SAMD5: variants seen among roughly 807,000 people sequenced by gnomAD.
SAMD5 encodes sterile alpha motif domain-containing protein 5.
SAMD5 carries 13 observed loss-of-function variants against 11.3 expected under a neutral mutation model. That is an observed-to-expected ratio of 1.15 (90% confidence interval 0.75 to 1.83). SAMD5 has a LOEUF of 1.83. Ranked by LOEUF, SAMD5 falls within the 40% of genes most tolerant of loss-of-function variation. SAMD5 has a pLI of 0.00. For missense variants in SAMD5, 255 were observed against 239.1 expected (o/e 1.07, Z -0.44); for synonymous variants, 129 against 111.3 (o/e 1.16, Z -1.00).
chr6:147,833,654 A>G, the SAMD5 span, among the ~76,000 whole-genome samples: 1 of 152,214 alleles, frequency 6.6e-6, no homozygotes, highest in Non-Finnish European at 1.5e-5. Flanking sequence ...CTTATTAGGC[A>G]TATAAAATAG....
At position 147,661,142 on chromosome 6, in the gene SAMD5, C is replaced by A. The variant is rs1453595773; in HGVS notation, c.163-76175C>A. 4.0e-5 allele frequency among the ~76,000 whole-genome samples: 6 copies of A among 151,894 alleles called. No individual in the cohort carries two copies. In the East Asian group the frequency reaches 1.2e-3, roughly 29 times the overall value. On this transcript the variant is annotated intron_variant, in intron 1 of 1. Transcript: ENST00000566741. ...TATTCCCTTTAGAAGCAAAATCTAC[C>A]AATTTTTTTTTCTTTTCCTGGGAAG... is the stretch of plus-strand genomic sequence containing the variant.
the SAMD5 span, among the ~76,000 whole-genome samples, chr6:147,886,807 T>C: frequency 1.3e-5 from 2 of 152,144 alleles, no homozygotes; most frequent in East Asian, 3.9e-4. Context: ...TGAATGGAAT[T>C]GAGGAGCTGA....
chr6:147,747,915 C>T, the SAMD5 span, among the ~76,000 whole-genome samples: 1 of 152,094 alleles, frequency 6.6e-6, no homozygotes, highest in African/African-American at 2.4e-5. Context: ...TCTGAGAAGA[C>T]AAAAACCAAA....
the SAMD5 span, among the ~76,000 whole-genome samples, chr6:147,951,223 C>CA: frequency 6.6e-6 from 1 of 150,732 alleles, no homozygotes; most frequent in African/African-American, 2.4e-5. Context: ...CGCTCTGTCG[C>CA]CAGGCTGGAG....
the SAMD5 span, among the ~76,000 whole-genome samples, chr6:147,863,186 G>GA: frequency 6.6e-6 from 1 of 152,142 alleles, no homozygotes; most frequent in East Asian, 1.9e-4. Flanking sequence ...TGACATACTG[G>GA]AAAGTAAATT....
chr6:147,798,468 G>A, the SAMD5 span, among the ~76,000 whole-genome samples: 13,983 of 144,230 alleles, frequency 0.097, 828 homozygotes, highest in Middle Eastern at 0.16. Context: ...TACATTTGCT[G>A]AGGAGAGCTT....
At chr6:147,938,933 GGCT>G in the SAMD5 span, among the ~76,000 whole-genome samples, 34,891 of 151,862 alleles carry the variant, frequency 0.23, 4,552 homozygotes, top group African/African-American at 0.35. Flanking sequence ...ACAAGTTGAG[GGCT>G]GAGTTCCACA....
At chr6:147,927,812 T>C in the SAMD5 span, among the ~76,000 whole-genome samples, 21,069 of 152,202 alleles carry the variant, frequency 0.14, 1,784 homozygotes, top group African/African-American at 0.24. Context: ...CTGTCATAGA[T>C]GACTGTTATT....
At chr6:147,813,371 A>G in the SAMD5 span, among the ~76,000 whole-genome samples, 6 of 152,236 alleles carry the variant, frequency 3.9e-5, no homozygotes, top group Non-Finnish European at 2.9e-5. Context: ...AGACTGGTTG[A>G]TTGCTGAAAG....
In SAMD5 at chr6:147,711,725, T is replaced by C. The variant is rs1474033396; in HGVS notation, c.163-25592T>C. On this transcript the variant is annotated intron_variant, in intron 1 of 1. Transcript: ENST00000566741. The surrounding 1 kb of genome is among the most constrained non-coding windows in gnomAD (Gnocchi z 4.1). Reference sequence around the variant, plus strand: ...ATGAATTTCAGCTGAAGTATTAAGTTTGTGGTATCCAGAAACCGGGAAATA... The same window carrying C: ...ATGAATTTCAGCTGAAGTATTAAGTCTGTGGTATCCAGAAACCGGGAAATA... Among the ~76,000 whole-genome samples, 4 of 152,192 alleles carry C rather than the reference T, an allele frequency of 2.6e-5. No homozygotes were observed. Among genetic ancestry groups the C allele is most frequent in the Non-Finnish European group, 4.4e-5 (3 of 68,036 alleles).
chr6:147,550,266 C>T (rs1448391018), intron 1 of SAMD5, among the ~76,000 whole-genome samples: 1 of 151,672 alleles, frequency 6.6e-6, no homozygotes, highest in South Asian at 2.1e-4. Flanking sequence ...CAAAAAATAG[C>T]ATGTTGAAGG....
At chr6:147,700,647 C>T (rs1409626653) in intron 1 of SAMD5, among the ~76,000 whole-genome samples, 2 of 152,312 alleles carry the variant, frequency 1.3e-5, no homozygotes, top group East Asian at 3.9e-4. Flanking sequence ...TTCTGCTACA[C>T]GTGGTGATCT....
chr6:147,720,368 C>G (rs947784548), intron 1 of SAMD5, among the ~76,000 whole-genome samples: 1 of 151,928 alleles, frequency 6.6e-6, no homozygotes, highest in Non-Finnish European at 1.5e-5. Flanking sequence ...GAGGCTGAGG[C>G]AGGAGAATGG....
At chr6:147,560,171 A>G (rs898865636) in intron 1 of SAMD5, among the ~76,000 whole-genome samples, 2 of 152,198 alleles carry the variant, frequency 1.3e-5, no homozygotes, top group Non-Finnish European at 2.9e-5. Context: ...ACAAATGTAA[A>G]ATGTGGGGGT....
the SAMD5 span, among the ~76,000 whole-genome samples, chr6:147,867,774 A>C: frequency 6.6e-6 from 1 of 152,208 alleles, no homozygotes; most frequent in Non-Finnish European, 1.5e-5. Context: ...TACTTCCATC[A>C]GATTCACTAA....
At chr6:147,775,269 GTTAA>G in the SAMD5 span, among the ~76,000 whole-genome samples, 9 of 152,230 alleles carry the variant, frequency 5.9e-5, no homozygotes, top group African/African-American at 2.2e-4. Context: ...AACTGGGCAA[GTTAA>G]TTAACCCCTG....
chr6:147,509,669 ACT>A (rs1788058034), intron 1 of SAMD5, among the ~76,000 whole-genome samples: 2 of 152,014 alleles, frequency 1.3e-5, no homozygotes, highest in Admixed American at 1.3e-4. Context: ...CAGGAATCGG[ACT>A]CGCGCTGCTT....
chr6:147,882,935 A>G, the SAMD5 span, among the ~76,000 whole-genome samples: 10 of 152,248 alleles, frequency 6.6e-5, no homozygotes. Flanking sequence ...TGGTTATTTT[A>G]CAGTTTCCCA....
At chr6:147,931,472 C>T in the SAMD5 span, among the ~76,000 whole-genome samples, 2 of 152,158 alleles carry the variant, frequency 1.3e-5, no homozygotes, top group Non-Finnish European at 2.9e-5. Context: ...CTAAGTCCAG[C>T]TTTGCCTGAC....
Sources: allele counts gnomAD v4.1 joint callset (sites outside exome capture counted in the v4.1 genomes callset), GRCh38; gene constraint gnomAD v4.1.1; non-coding constraint Gnocchi (gnomAD v3.1); transcripts MANE v1.5; gene names NCBI Gene and HGNC (gene_info 2026-07-23, HGNC 2026-07-21).